FZD5: variants seen among roughly 807,000 people sequenced by gnomAD.
The protein encoded by FZD5 is frizzled class receptor 5.
A neutral mutation model predicts 40.8 loss-of-function variants in FZD5; 12 were observed. The ratio of observed to expected loss-of-function variants is 0.29; its 90% CI spans 0.19 to 0.48. FZD5 has a LOEUF of 0.48. Among genes scored for constraint, FZD5 ranks in the 20% least tolerant of loss-of-function variants. FZD5 has a pLI of 0.99. For synonymous variants in FZD5, 380 were observed against 383.7 expected (o/e 0.99, Z 0.11); for missense variants, 622 against 832.8 (o/e 0.75, Z 3.12).
rs766628090 is a variant in FZD5 at position 207,768,137 on chromosome 2, C to T, written c.603G>A (p.Lys201=). 1 of 1,612,250 alleles carries T rather than the reference C, an allele frequency of 6.2e-7. No homozygotes were observed. Among genetic ancestry groups the T allele is most frequent in the South Asian group, 1.1e-5 (1 of 90,988 alleles). The change falls in exon 2 of 2, where the codon AAG becomes AAA. Residue 201 remains lysine (K), a synonymous_variant. Coordinates refer to ENST00000295417, the MANE Select transcript of FZD5 (RefSeq NM_003468.4). ...KCREPFVPIL[K]ESHPLYNKVR... ...CCTTGTTGTAGAGCGGGTGTGACTCCTTCAGAATGGGCACGAAGGGCTCGC... is the reference window on the plus strand; with the variant it reads ...CCTTGTTGTAGAGCGGGTGTGACTCTTTCAGAATGGGCACGAAGGGCTCGC...
rs752775579 is a variant in FZD5 at position 207,768,214 on chromosome 2, G to A, written c.526C>T (p.Pro176Ser). The change falls in exon 2 of 2, where the codon CCG becomes TCG. Residue 176 changes from proline (P) to serine (S), a missense_variant. By Grantham distance (74) the Pro-to-Ser change is moderately conservative. Transcript: ENST00000295417. ...GCGGGGCATTCGCCCCCCGAGGCCG[G>A]CGCCCCTGGCGGGCCTGGAAGGGTG... is the stretch of plus-strand genomic sequence containing the variant. ...KPTLPGPPGA[P>S]ASGGECPAGG... 44 of 1,574,062 alleles carry A rather than the reference G, an allele frequency of 2.8e-5. No homozygotes were observed. Among genetic ancestry groups the A allele is most frequent in the Non-Finnish European group, 3.7e-5 (43 of 1,165,818 alleles).
Position 207,763,613 on chromosome 2 carries a change from C to T in FZD5, c.*3369G>A, listed in dbSNP as rs375140775. ...TTCAAAGCTCTGTCCCTCCTACCCC[C>T]CTTGGGCTTTCTGTAGAGCACAAAA... is the stretch of plus-strand genomic sequence containing the variant. On this transcript the variant is annotated 3_prime_UTR_variant, in exon 2 of 2. Transcript: ENST00000295417. 6.5e-6 allele frequency: 1 copy of T among 152,820 alleles called. No homozygotes were observed. The allele number at this position is 152,820 out of a possible 1,614,324, so 9.5% of individuals were successfully genotyped here.
Position 207,763,745 on chromosome 2 carries a change from T to G in FZD5, c.*3237A>C, listed in dbSNP as rs1047222636. 6.5e-6 allele frequency: 1 copy of G among 152,708 alleles called. No individual in the cohort carries two copies. Among genetic ancestry groups the G allele is most frequent in the African/African-American group, 2.4e-5 (1 of 41,460 alleles). The allele number at this position is 152,708 out of a possible 1,614,324, so 9.5% of individuals were successfully genotyped here. ...ACTGGAGAGTGCAGGTCACGGATGCTGTTATTAAGGTTTGGTGTGTGATCC... is the reference window on the plus strand; with the variant it reads ...ACTGGAGAGTGCAGGTCACGGATGCGGTTATTAAGGTTTGGTGTGTGATCC... On this transcript the variant is annotated 3_prime_UTR_variant, in exon 2 of 2. Transcript: ENST00000295417.
In FZD5 at chr2:207,762,925, G is replaced by A. The variant is rs528774837; in HGVS notation, c.*4057C>T. 36 of 152,604 alleles carry A rather than the reference G, an allele frequency of 2.4e-4. No homozygotes were observed. Among genetic ancestry groups the A allele is most frequent in the Admixed American group, 1.8e-3 (28 of 15,282 alleles). 9.5% of individuals were successfully genotyped at this position (152,604 alleles called of 1,614,324 possible). On this transcript the variant is annotated 3_prime_UTR_variant, in exon 2 of 2. Coordinates refer to ENST00000295417, the MANE Select transcript of FZD5 (RefSeq NM_003468.4). ...GTTACAGATTCAGAACTGTAATCAT[G>A]TATCATCTGCCAGTAATAACATATG...
In FZD5 at chr2:207,767,986, T is replaced by A; in HGVS notation, c.754A>T (p.Thr252Ser). Reference sequence around the variant, plus strand: ...TCGATGAGGAAGGTGGCCACTGTGGTGGACGTGGAGATGAAGCACAGCACC... The same window carrying A: ...TCGATGAGGAAGGTGGCCACTGTGGAGGACGTGGAGATGAAGCACAGCACC... ...WSVLCFISTSTTVATFLIDME... is the reference protein window; with the variant it reads ...WSVLCFISTSSTVATFLIDME... The change falls in exon 2 of 2, where the codon ACC becomes TCC. Residue 252 changes from threonine to serine, a missense_variant. By Grantham distance (58) the Thr-to-Ser change is moderately conservative (BLOSUM62 1). Coordinates refer to ENST00000295417, the MANE Select transcript of FZD5 (RefSeq NM_003468.4). The A allele has an allele frequency of 6.2e-7, 1 of 1,608,994 alleles. No homozygotes were observed. The highest frequency in any genetic ancestry group is 1.1e-5 in the South Asian group (1 of 90,154).
rs1413162495 is a variant in FZD5 at position 207,768,259 on chromosome 2, T to TG, written c.480dup (p.Arg161GlnfsTer108). 3.2e-6 allele frequency: 5 copies of TG among 1,547,730 alleles called. No homozygotes were observed. Among genetic ancestry groups the TG allele is most frequent in the African/African-American group, 2.7e-5 (2 of 73,420 alleles). On this transcript the variant is annotated frameshift_variant, in exon 2 of 2. Transcript: ENST00000295417. LOFTEE classifies it high-confidence loss of function. ...AGGGTGGGCTTGGCTGGGAAAGGCCTGGGGGGCGCCGTGGTGGCCTCGCTG... is the reference window on the plus strand; with the variant it reads ...AGGGTGGGCTTGGCTGGGAAAGGCCTGGGGGGGCGCCGTGGTGGCCTCGCTG...
At position 207,764,953 on chromosome 2, in the gene FZD5, G is replaced by A. The variant is rs1461707364; in HGVS notation, c.*2029C>T. The stretch of plus-strand genomic sequence containing the variant: ...AGGCTTCTTCCTAGAAGAATAAATA[G>A]AGGAATAAAATAGGCACAAAGTTCT... On this transcript the variant is annotated 3_prime_UTR_variant, in exon 2 of 2. Coordinates refer to ENST00000295417, the MANE Select transcript of FZD5 (RefSeq NM_003468.4). 5 of 152,336 alleles carry A rather than the reference G, an allele frequency of 3.3e-5. No homozygotes were observed. The highest frequency in any genetic ancestry group is 2.6e-4 in the Admixed American group (4 of 15,310). 9.4% of individuals were successfully genotyped at this position (152,336 alleles called of 1,614,324 possible).
Position 207,762,651 on chromosome 2 carries a change from T to C in FZD5, c.*4331A>G, listed in dbSNP as rs182076995. 3 of 152,762 alleles carry C rather than the reference T, an allele frequency of 2.0e-5. No homozygotes were observed. The East Asian group carries it at 5.8e-4, about 29-fold the overall frequency. The allele number at this position is 152,762 out of a possible 1,614,324, so 9.5% of individuals were successfully genotyped here. ...GCATTTTAAAATTTATCTACATTAA[T>C]TGGGAACAAAGAAAAATAGACATTT... On this transcript the variant is annotated 3_prime_UTR_variant, in exon 2 of 2. Transcript: ENST00000295417.
chr2:207,768,828 CGTGT>C lies in FZD5; in HGVS notation c.-93_-90del. 9.2e-7 allele frequency: 1 copy of C among 1,085,046 alleles called. No individual in the cohort carries two copies. The highest frequency in any genetic ancestry group is 1.3e-6 in the Non-Finnish European group (1 of 769,980). 67.2% of individuals were successfully genotyped at this position (1,085,046 alleles called of 1,614,324 possible). On this transcript the variant is annotated 5_prime_UTR_variant, in exon 2 of 2. Coordinates refer to ENST00000295417, the MANE Select transcript of FZD5 (RefSeq NM_003468.4). ...GCCGGGGCTTCTCCCTCCGGCGTCT[CGTGT>C]GTGGCGCCGGGGCTGGCAACCTGTT...
Position 207,768,682 on chromosome 2 carries a change from G to A in FZD5, c.58C>T (p.Leu20=). Reference sequence around the variant, plus strand: ...GACGCGGCGGCCGCCCGGCCCACCAGCTGCGCTAGGAGCAGCAGCAACAGC... The same window carrying A: ...GACGCGGCGGCCGCCCGGCCCACCAACTGCGCTAGGAGCAGCAGCAACAGC... ...PSLLLLLLAQ[L]VGRAAAASKA... Residue 20 remains leucine, a synonymous_variant, in exon 2 of 2, where the codon CTG becomes TTG. Transcript: ENST00000295417. 1 of 1,607,226 alleles carries A rather than the reference G, an allele frequency of 6.2e-7. No individual in the cohort carries two copies.
At position 207,765,402 on chromosome 2, in the gene FZD5, C is replaced by T. The variant is rs899019394; in HGVS notation, c.*1580G>A. 1.3e-5 allele frequency: 2 copies of T among 152,170 alleles called. No homozygotes were observed. Among genetic ancestry groups the T allele is most frequent in the African/African-American group, 2.4e-5 (1 of 41,432 alleles). 9.4% of individuals were successfully genotyped at this position (152,170 alleles called of 1,614,324 possible). ...GCCCCACACTCTTCATGAATGAATG[C>T]TTAAACAGATTAGGAAAGCAAACAG... is the stretch of plus-strand genomic sequence containing the variant. On this transcript the variant is annotated 3_prime_UTR_variant, in exon 2 of 2. Coordinates refer to ENST00000295417, the MANE Select transcript of FZD5 (RefSeq NM_003468.4).
At position 207,768,884 on chromosome 2, in the gene FZD5, G is replaced by A. The variant is rs2091996409; in HGVS notation, c.-145C>T. 9.0e-6 allele frequency: 6 copies of A among 670,208 alleles called. No individual in the cohort carries two copies. The highest frequency in any genetic ancestry group is 4.2e-4 in the Middle Eastern group (1 of 2,388). The allele number at this position is 670,208 out of a possible 1,614,324, so 41.5% of individuals were successfully genotyped here. On this transcript the variant is annotated 5_prime_UTR_variant, in exon 2 of 2. The change creates a new upstream start codon in the 5' untranslated region. Coordinates refer to ENST00000295417, the MANE Select transcript of FZD5 (RefSeq NM_003468.4). ...GTTGCTTTTTCCTTTAAAGAAAACC[G>A]TCCAAAGATAAACTGCTTCGGGAAG...
chr2:207,768,630 G>T lies in FZD5; in HGVS notation c.110C>A (p.Thr37Lys). 1 of 1,613,648 alleles carries T rather than the reference G, an allele frequency of 6.2e-7. No individual in the cohort carries two copies. Among genetic ancestry groups the T allele is most frequent in the East Asian group, 2.2e-5 (1 of 44,866 alleles). ...ASKAPVCQEI[T>K]VPMCRGIGYN... ...GCCGATGCCGCGGCACATGGGCACC[G>T]TGATTTCCTGGCACACCGGGGCCTT... The change falls in exon 2 of 2, where the codon ACG (threonine) becomes AAG (lysine). Residue 37 changes from threonine to lysine, a missense_variant. This residue lies in a region of FZD5 where 144 missense variants were observed against 214.2 expected (regional missense o/e 0.67). Coordinates refer to ENST00000295417, the MANE Select transcript of FZD5 (RefSeq NM_003468.4).
At position 207,768,364 on chromosome 2, in the gene FZD5, C is replaced by T. The variant is rs1335024096; in HGVS notation, c.376G>A (p.Ala126Thr). The change falls in exon 2 of 2, where the codon GCC (alanine) becomes ACC (threonine). Residue 126 changes from alanine (A) to threonine (T), a missense_variant. By Grantham distance (58) the Ala-to-Thr change is moderately conservative. Transcript: ENST00000295417. Reference protein sequence around the residue: ...CSPLMRQYGFAWPERMSCDRL... With the variant: ...CSPLMRQYGFTWPERMSCDRL... Reference sequence around the variant, plus strand: ...TCGCAGCTCATGCGCTCGGGCCAGGCGAAGCCGTACTGGCGCATCAGCGGC... The same window carrying T: ...TCGCAGCTCATGCGCTCGGGCCAGGTGAAGCCGTACTGGCGCATCAGCGGC... 1.9e-6 allele frequency: 3 copies of T among 1,588,862 alleles called. No homozygotes were observed. The highest frequency in any genetic ancestry group is 2.2e-5 in the South Asian group (2 of 89,366).
In FZD5 at chr2:207,767,507, G is replaced by A. The variant is rs2091986364; in HGVS notation, c.1233C>T (p.Tyr411=). The stretch of plus-strand genomic sequence containing the variant: ...GCAGGAAGAGCGTGCCCACCAGCAG[G>A]TAGAGCACCAGCGGGCCCAGCACGA... The part of the protein sequence containing the change: ...RGFVLGPLVL[Y]LLVGTLFLLA... The change falls in exon 2 of 2, where the codon TAC becomes TAT. Residue 411 remains tyrosine, a synonymous_variant. Transcript: ENST00000295417. 6.2e-7 allele frequency: 1 copy of A among 1,609,860 alleles called. No homozygotes were observed. Among genetic ancestry groups the A allele is most frequent in the Admixed American group, 1.7e-5 (1 of 60,008 alleles).
rs1419239514 is a variant in FZD5 at position 207,764,014 on chromosome 2, C to T, written c.*2968G>A. 6.6e-6 allele frequency: 1 copy of T among 152,558 alleles called. No individual in the cohort carries two copies. Among genetic ancestry groups the T allele is most frequent in the African/African-American group, 2.4e-5 (1 of 41,426 alleles). The allele number at this position is 152,558 out of a possible 1,614,324, so 9.5% of individuals were successfully genotyped here. A position where few individuals can be genotyped will look rare whatever the true frequency, so the allele number is the denominator to read the frequency against. The stretch of plus-strand genomic sequence containing the variant: ...GAAAAATTATTTCCAGTCAATTTTA[C>T]CATTTCAAAATGTGAGAAGGAAAAT... On this transcript the variant is annotated 3_prime_UTR_variant, in exon 2 of 2. Transcript: ENST00000295417.
rs1274221088 is a variant in FZD5, at chr2:207,763,654, T to C, written c.*3328A>G. ...GAGCACAAAAGTGAAAGAAGCTTCT[T>C]TGGCTGGGGTAGCAGTTCATTAAAA... On this transcript the variant is annotated 3_prime_UTR_variant, in exon 2 of 2. Transcript: ENST00000295417. The C allele has an allele frequency of 6.5e-6, 1 of 152,718 alleles. No homozygotes were observed. Among genetic ancestry groups the C allele is most frequent in the African/African-American group, 2.4e-5 (1 of 41,460 alleles). The allele number at this position is 152,718 out of a possible 1,614,324, so 9.5% of individuals were successfully genotyped here. A position where few individuals can be genotyped will look rare whatever the true frequency, so the allele number is the denominator to read the frequency against.
chr2:207,767,092 C>T lies in FZD5; in HGVS notation c.1648G>A (p.Ala550Thr). The stretch of plus-strand genomic sequence containing the variant: ...TCGGGGTAGTCCCCTGCGGCCATGG[C>T]GCCCCCGCTCTTGTGGCCGCGCCGC... ...RPRRGHKSGG[A>T]MAAGDYPEAS... The change falls in exon 2 of 2, where the codon GCC becomes ACC. Residue 550 changes from alanine to threonine, a missense_variant. Physicochemically the swap from Ala to Thr is moderately conservative, Grantham distance 58. Transcript: ENST00000295417. 6.3e-7 allele frequency: 1 copy of T among 1,588,802 alleles called. No individual in the cohort carries two copies.
In FZD5 at chr2:207,768,550, C is replaced by T; in HGVS notation, c.190G>A (p.Gly64Ser). ...QFNHDTQDEAGLEVHQFWPLV... is the reference protein window; with the variant it reads ...QFNHDTQDEASLEVHQFWPLV... ...GGCCAGAACTGGTGCACCTCCAGGC[C>T]CGCCTCGTCCTGCGTGTCGTGGTTG... The change falls in exon 2 of 2, where the codon GGC (glycine) becomes AGC (serine). Residue 64 changes from glycine to serine, a missense_variant. Transcript: ENST00000295417. 6.2e-7 allele frequency: 1 copy of T among 1,613,982 alleles called. No homozygotes were observed. Among genetic ancestry groups the T allele is most frequent in the Non-Finnish European group, 8.5e-7 (1 of 1,179,886 alleles).
Sources: gnomAD v4.1 joint callset for allele counts on GRCh38, gnomAD v4.1.1 for gene constraint, gnomAD v4.1.1 regional missense constraint, MANE v1.5 for transcripts, NCBI Gene and HGNC (gene_info 2026-07-23, HGNC 2026-07-21) for gene names.